Variants in DENND4B observed in about 807,000 individuals in gnomAD.
The protein encoded by DENND4B is DENN domain-containing protein 4B.
A neutral mutation model predicts 161.0 loss-of-function variants in DENND4B; 67 were observed. The observed-to-expected ratio is 0.42, with a 90% CI of 0.34 to 0.51. DENND4B has a LOEUF of 0.51. Ranked by LOEUF, DENND4B falls within the 20% of genes least tolerant of loss-of-function variation. DENND4B has a pLI of 0.08. For missense variants in DENND4B, 1,481 were observed against 1,968.0 expected (o/e 0.75, Z 4.68); for synonymous variants, 753 against 813.8 (o/e 0.93, Z 1.27).
intron 17 of DENND4B, 90 bp downstream of exon 17, chr1:153,935,970 C>T: frequency 1.3e-6 from 2 of 1,514,688 alleles, no homozygotes; most frequent in African/African-American, 1.4e-5. Flanking sequence ...AGTACCAGCC[C>T]AATCTCCAAG....
Position 153,934,354 on chromosome 1 carries a change from C to A in DENND4B, c.2774-52G>T, listed in dbSNP as rs1679189494. ...GGCGGCCAGCTAGGAACCCAGTCCC[C>A]TGTTCCAAAATAGAGCTCCTTAGAT... On this transcript the variant is annotated intron_variant, in intron 18 of 27. Coordinates refer to ENST00000361217, the MANE Select transcript of DENND4B (RefSeq NM_014856.3). The surrounding 1 kb of genome is among the most constrained non-coding windows in gnomAD (Gnocchi z 5.3). 6.6e-7 allele frequency: 1 copy of A among 1,524,752 alleles called. No homozygotes were observed. Among genetic ancestry groups the A allele is most frequent in the Non-Finnish European group, 8.8e-7 (1 of 1,142,054 alleles). 94.5% of individuals were successfully genotyped at this position (1,524,752 alleles called of 1,614,324 possible).
rs1313436865 is a variant in DENND4B, at chr1:153,944,535, T to C, written c.-23-138A>G. On this transcript the variant is annotated intron_variant, in intron 1 of 27. Coordinates refer to ENST00000361217, the MANE Select transcript of DENND4B (RefSeq NM_014856.3). This position sits in a 1 kb window ranked among gnomAD's most constrained non-coding sequence, Gnocchi z 4.8. ...TAAGGGGTCGGCCAATCCTGAACTC[T>C]TCCCCCTGTGACATCACTGCCCACC... is the stretch of plus-strand genomic sequence containing the variant. The C allele has an allele frequency of 3.6e-6, 3 of 843,870 alleles. No individual in the cohort carries two copies. The highest frequency in any genetic ancestry group is 5.3e-6 in the Non-Finnish European group (3 of 569,796). The allele number at this position is 843,870 out of a possible 1,614,324, so 52.3% of individuals were successfully genotyped here.
At position 153,943,105 on chromosome 1, in the gene DENND4B, G is replaced by A; in HGVS notation, c.343C>T (p.Pro115Ser). 1 of 1,613,746 alleles carries A rather than the reference G, an allele frequency of 6.2e-7. No individual in the cohort carries two copies. Among genetic ancestry groups the A allele is most frequent in the South Asian group, 1.1e-5 (1 of 91,042 alleles). ...LGVLYEGKER[P>S]KPGFQVLDTT... ...TCAAGCACTTGGAAGCCAGGCTTGG[G>A]ACGTTCCTTCCCCTCATACAACACC... is the stretch of plus-strand genomic sequence containing the variant. The change falls in exon 3 of 28, where the codon CCC becomes TCC. Residue 115 changes from proline to serine, a missense_variant. This residue lies in a region of DENND4B where 806 missense variants were observed against 1,134.4 expected (regional missense o/e 0.71). Coordinates refer to ENST00000361217, the MANE Select transcript of DENND4B (RefSeq NM_014856.3).
At position 153,930,721 on chromosome 1, in the gene DENND4B, C is replaced by A. The variant is rs770098919; in HGVS notation, c.4251G>T (p.Gly1417=). 6.2e-7 allele frequency: 1 copy of A among 1,611,430 alleles called. No homozygotes were observed. The highest frequency in any genetic ancestry group is 1.1e-5 in the South Asian group (1 of 90,566). The change falls in exon 26 of 28, where the codon GGG becomes GGT. Residue 1417 remains glycine (G), a synonymous_variant. Coordinates refer to ENST00000361217, the MANE Select transcript of DENND4B (RefSeq NM_014856.3). The surrounding 1 kb of genome is among the most constrained non-coding windows in gnomAD (Gnocchi z 4.7). The stretch of plus-strand genomic sequence containing the variant: ...GCAGGTGCAGGCCAGTGGGTGGGGG[C>A]CCTAGAGTTTCCAGCAGGAGCCCCA... ...KAVGLLLETL[G]PPPTGLHLQR... is the part of the protein sequence containing the mutation.
Position 153,933,266 on chromosome 1 carries a change from G to T in DENND4B, c.3384C>A (p.Asn1128Lys), listed in dbSNP as rs1571034352. 1 of 1,613,242 alleles carries T rather than the reference G, an allele frequency of 6.2e-7. No homozygotes were observed. The highest frequency in any genetic ancestry group is 1.7e-5 in the Admixed American group (1 of 59,908). The change falls in exon 21 of 28, where the codon AAC (asparagine) becomes AAA (lysine). Residue 1128 changes from asparagine (N) to lysine (K), a missense_variant. This residue lies in a region of DENND4B where 336 missense variants were observed against 503.3 expected (regional missense o/e 0.67). Transcript: ENST00000361217. The surrounding 1 kb of genome is among the most constrained non-coding windows in gnomAD (Gnocchi z 5.7). ...EWDLSESSLS[N>K]LSLRRSSERL... ...GCTCTGAGGAACGGCGAAGACTCAG[G>T]TTGCTGAGAGAAGATTCTGAGAGGT...
rs778415504 is a variant in DENND4B, at chr1:153,933,256, G to A, written c.3394C>T (p.Arg1132Cys). The change falls in exon 21 of 28, where the codon CGC (arginine) becomes TGC (cysteine). Residue 1132 changes from arginine (R) to cysteine (C), a missense_variant. By Grantham distance (180) the Arg-to-Cys change is radical. Transcript: ENST00000361217. This position sits in a 1 kb window ranked among gnomAD's most constrained non-coding sequence, Gnocchi z 5.7. ...SESSLSNLSL[R>C]RSSERLSDTP... The stretch of plus-strand genomic sequence containing the variant: ...TCACTGAGGCGCTCTGAGGAACGGC[G>A]AAGACTCAGGTTGCTGAGAGAAGAT... 50 of 1,613,126 alleles carry A rather than the reference G, an allele frequency of 3.1e-5. 1 individual carries two copies. Among genetic ancestry groups the A allele is most frequent in the Middle Eastern group, 3.3e-4 (2 of 6,062 alleles).
rs1157546902 is a variant in DENND4B, at chr1:153,930,394, C to G, written c.4394G>C (p.Ser1465Thr). Reference sequence around the variant, plus strand: ...GTGCCTCAGCTCCTCCTTGCCCATGCTGCTGGCCAGCTTGTTAAAGGCAGA... The same window carrying G: ...GTGCCTCAGCTCCTCCTTGCCCATGGTGCTGGCCAGCTTGTTAAAGGCAGA... ...YKSAFNKLAS[S>T]MGKEELRHRR... is the part of the protein sequence containing the mutation. The change falls in exon 28 of 28, where the codon AGC becomes ACC. Residue 1465 changes from serine (S) to threonine (T), a missense_variant. Ser to Thr is a moderately conservative substitution (Grantham distance 58). This residue lies in a region of DENND4B where 336 missense variants were observed against 503.3 expected (regional missense o/e 0.67). Transcript: ENST00000361217. The surrounding 1 kb of genome is among the most constrained non-coding windows in gnomAD (Gnocchi z 4.7). The G allele has an allele frequency of 1.2e-6, 2 of 1,614,032 alleles. No individual in the cohort carries two copies. The highest frequency in any genetic ancestry group is 2.2e-5 in the South Asian group (2 of 91,090).
intron 2 of DENND4B, 124 bp downstream of exon 2, chr1:153,943,934 T>C (rs1286995725): frequency 1.8e-5 from 20 of 1,103,832 alleles, no homozygotes; most frequent in Non-Finnish European, 1.9e-5. Flanking sequence ...CCTTCCTTCC[T>C]GGCCCCTGGC....
In DENND4B at chr1:153,940,386, C is replaced by A; in HGVS notation, c.1502+45G>T. On this transcript the variant is annotated intron_variant, in intron 10 of 27. Transcript: ENST00000361217. The surrounding 1 kb of genome is among the most constrained non-coding windows in gnomAD (Gnocchi z 5.6). ...GTAGCACTCCACACACTAGCCCATT[C>A]CTGCCCACCACCCTGCAGCCCCCAA... 6.3e-7 allele frequency: 1 copy of A among 1,596,980 alleles called. No homozygotes were observed. Among genetic ancestry groups the A allele is most frequent in the South Asian group, 1.1e-5 (1 of 88,790 alleles).
Position 153,934,321 on chromosome 1 carries a change from G to A in DENND4B, c.2774-19C>T, listed in dbSNP as rs1286704094. On this transcript the variant is annotated intron_variant, in intron 18 of 27. Transcript: ENST00000361217. This position sits in a 1 kb window ranked among gnomAD's most constrained non-coding sequence, Gnocchi z 5.3. Reference sequence around the variant, plus strand: ...TAGGGCTCTGTAAAAGACGAGAAGGGGTTTAGAGGCGGCCAGCTAGGAACC... The same window carrying A: ...TAGGGCTCTGTAAAAGACGAGAAGGAGTTTAGAGGCGGCCAGCTAGGAACC... The A allele has an allele frequency of 1.9e-6, 3 of 1,563,784 alleles. No individual in the cohort carries two copies. In the African/African-American group the frequency reaches 4.1e-5, roughly 21 times the overall value.
rs560802948 is a variant in DENND4B, at chr1:153,940,889, C to T, written c.1326+15G>A. ...ATGGTTCTGGGGAAGATGGGCCAGG[C>T]GGGGCGGCACTCACCGAGACGAGGG... On this transcript the variant is annotated intron_variant, in intron 9 of 27. Transcript: ENST00000361217. The surrounding 1 kb of genome is among the most constrained non-coding windows in gnomAD (Gnocchi z 5.6). 8 of 1,539,800 alleles carry T rather than the reference C, an allele frequency of 5.2e-6. No individual in the cohort carries two copies. In the African/African-American group the frequency reaches 5.7e-5, roughly 11 times the overall value.
At position 153,946,068 on chromosome 1, in the gene DENND4B, G is replaced by C. The variant is rs1679948821; in HGVS notation, c.-24+233C>G. ...CCGCGTGACCCAAGCGGGAGGGAGG[G>C]CGGCTCCGACTCCGGCACCCACGGG... On this transcript the variant is annotated intron_variant, in intron 1 of 27. Transcript: ENST00000361217. This position sits in a 1 kb window ranked among gnomAD's most constrained non-coding sequence, Gnocchi z 6.3. Among the ~76,000 whole-genome samples, 1 of 152,172 alleles carries C rather than the reference G, an allele frequency of 6.6e-6. No individual in the cohort carries two copies. Among genetic ancestry groups the C allele is most frequent in the African/African-American group, 2.4e-5 (1 of 41,446 alleles).
chr1:153,944,518 C>A lies in DENND4B; in HGVS notation c.-23-121G>T, dbSNP rs777374185. 10 of 1,039,530 alleles carry A rather than the reference C, an allele frequency of 9.6e-6. No individual in the cohort carries two copies. The highest frequency in any genetic ancestry group is 1.2e-5 in the Non-Finnish European group (9 of 743,428). The allele number at this position is 1,039,530 out of a possible 1,614,324, so 64.4% of individuals were successfully genotyped here. ...TCCAAAGAAAGGCAGGATAAGGGGT[C>A]GGCCAATCCTGAACTCTTCCCCCTG... On this transcript the variant is annotated intron_variant, in intron 1 of 27. Transcript: ENST00000361217. This position sits in a 1 kb window ranked among gnomAD's most constrained non-coding sequence, Gnocchi z 4.8.
chr1:153,936,231 A>T lies in DENND4B; in HGVS notation c.2440-43T>A, dbSNP rs1370106765. 6.4e-7 allele frequency: 1 copy of T among 1,573,342 alleles called. No individual in the cohort carries two copies. The highest frequency in any genetic ancestry group is 8.6e-7 in the Non-Finnish European group (1 of 1,158,310). On this transcript the variant is annotated intron_variant, in intron 16 of 27. Coordinates refer to ENST00000361217, the MANE Select transcript of DENND4B (RefSeq NM_014856.3). The surrounding 1 kb of genome is among the most constrained non-coding windows in gnomAD (Gnocchi z 4.1). ...CAGGACAATGGGAGACTCACTCTCA[A>T]CCAAAACCAAAGTCTCAGCAAGCAC...
At chr1:153,941,351 C>T in intron 7 of DENND4B, 23 bp downstream of exon 7, 1 of 1,613,556 alleles carries the variant, frequency 6.2e-7, no homozygotes, top group Non-Finnish European at 8.5e-7. Flanking sequence ...TTCCATCAGC[C>T]CGGCCCCAGC....
Position 153,936,310 on chromosome 1 carries a change from G to A in DENND4B, c.2440-122C>T. Reference sequence around the variant, plus strand: ...ACATCACTGGCCCCTGGCAGGTCCTGGGGCTACCTCAGAGCCACCCACCCT... The same window carrying A: ...ACATCACTGGCCCCTGGCAGGTCCTAGGGCTACCTCAGAGCCACCCACCCT... On this transcript the variant is annotated intron_variant, in intron 16 of 27. Coordinates refer to ENST00000361217, the MANE Select transcript of DENND4B (RefSeq NM_014856.3). This position sits in a 1 kb window ranked among gnomAD's most constrained non-coding sequence, Gnocchi z 4.1. 7.0e-7 allele frequency: 1 copy of A among 1,428,144 alleles called. No homozygotes were observed. The highest frequency in any genetic ancestry group is 9.4e-7 in the Non-Finnish European group (1 of 1,059,134). 88.5% of individuals were successfully genotyped at this position (1,428,144 alleles called of 1,614,324 possible). A position where few individuals can be genotyped will look rare whatever the true frequency, so the allele number is the denominator to read the frequency against.
chr1:153,931,103 G>A (rs1461458535), intron 24 of DENND4B, 39 bp from the exon 25 acceptor site: 12 of 1,516,406 alleles, frequency 7.9e-6, no homozygotes, highest in African/African-American at 2.8e-5. Context: ...TAGGCTCAAC[G>A]AATGGGAGGC....
rs1571046371 is a variant in DENND4B at position 153,937,560 on chromosome 1, T to G, written c.2160A>C (p.Gln720His). 4.3e-6 allele frequency: 7 copies of G among 1,612,982 alleles called. No homozygotes were observed. The highest frequency in any genetic ancestry group is 5.9e-6 in the Non-Finnish European group (7 of 1,179,456). ...GGCCTGGCACAGGCAGGGCCCCAGG[T>G]TGCTCTTGAAGAGACTCAAACAACT... is the stretch of plus-strand genomic sequence containing the variant. Reference protein sequence around the residue: ...RAELFESLQEQPGALPVPGPS... With the variant: ...RAELFESLQEHPGALPVPGPS... Residue 720 changes from glutamine (Q) to histidine (H), a missense_variant, in exon 15 of 28, where the codon CAA becomes CAC. Physicochemically the swap from Gln to His is conservative, Grantham distance 24 (BLOSUM62 0). Coordinates refer to ENST00000361217, the MANE Select transcript of DENND4B (RefSeq NM_014856.3). This position sits in a 1 kb window ranked among gnomAD's most constrained non-coding sequence, Gnocchi z 4.7.
chr1:153,940,790 A>T lies in DENND4B; in HGVS notation c.1326+114T>A, dbSNP rs1399785161. 1 of 1,464,338 alleles carries T rather than the reference A, an allele frequency of 6.8e-7. No homozygotes were observed. The highest frequency in any genetic ancestry group is 9.0e-7 in the Non-Finnish European group (1 of 1,105,480). 90.7% of individuals were successfully genotyped at this position (1,464,338 alleles called of 1,614,324 possible). ...GTGTTCCTGCAGGCTGTGCCCAGGG[A>T]AAGGGGCTGAGGATCCTCCACAAGG... On this transcript the variant is annotated intron_variant, in intron 9 of 27. Coordinates refer to ENST00000361217, the MANE Select transcript of DENND4B (RefSeq NM_014856.3). The surrounding 1 kb of genome is among the most constrained non-coding windows in gnomAD (Gnocchi z 5.6).
Sources: gnomAD v4.1 joint callset for allele counts (sites outside exome capture counted in the v4.1 genomes callset) on GRCh38, gnomAD v4.1.1 for gene constraint, gnomAD v4.1.1 regional missense constraint, Gnocchi (gnomAD v3.1) non-coding constraint, MANE v1.5 for transcripts, NCBI Gene and HGNC (gene_info 2026-07-23, HGNC 2026-07-21) for gene names.